GOLIM4: variants seen among roughly 807,000 people sequenced by gnomAD.
The protein encoded by GOLIM4 is 130 kDa golgi-localized phosphoprotein.
Under a neutral mutation model 107.4 loss-of-function variants are expected in GOLIM4, and 71 were observed. The ratio of observed to expected loss-of-function variants is 0.66; its 90% CI spans 0.55 to 0.81. The LOEUF is 0.81. Ranked by LOEUF, GOLIM4 falls within the 30% of genes least tolerant of loss-of-function variation. GOLIM4 has a pLI of 0.00. For missense variants in GOLIM4, 830 were observed against 826.1 expected (o/e 1.00, Z -0.06); for synonymous variants, 327 against 294.8 (o/e 1.11, Z -1.12).
At chr3:168,075,211 G>A (rs1400525723) in intron 1 of GOLIM4, among the ~76,000 whole-genome samples, 1 of 151,270 alleles carries the variant, frequency 6.6e-6, no homozygotes, top group Non-Finnish European at 1.5e-5. Context: ...TATTTCTAAA[G>A]GGACAAAGTT....
intron 3 of GOLIM4, among the ~76,000 whole-genome samples, chr3:168,046,743 A>G (rs1181113926): frequency 2.0e-5 from 3 of 151,758 alleles, no homozygotes; most frequent in African/African-American, 4.8e-5. Flanking sequence ...GTTTATCCCT[A>G]TTATCAACAA....
intron 1 of GOLIM4, among the ~76,000 whole-genome samples, chr3:168,049,942 G>A (rs1719520320): frequency 6.6e-6 from 1 of 152,050 alleles, no homozygotes. Flanking sequence ...TCACACCTCT[G>A]CTAACATCTC....
intron 1 of GOLIM4, among the ~76,000 whole-genome samples, chr3:168,093,652 C>T (rs1288982511): frequency 6.6e-6 from 1 of 152,156 alleles, no homozygotes; most frequent in African/African-American, 2.4e-5. Context: ...TATTCTCATA[C>T]CAACAATAAC....
chr3:168,048,083 A>T (rs373482491), intron 2 of GOLIM4, among the ~76,000 whole-genome samples: 14 of 152,216 alleles, frequency 9.2e-5, no homozygotes, highest in Non-Finnish European at 4.4e-5. Context: ...GGTGGCATAA[A>T]CTGAATACAG....
intron 14 of GOLIM4, among the ~76,000 whole-genome samples, chr3:168,020,024 A>G (rs990963757): frequency 1.3e-5 from 2 of 152,180 alleles, no homozygotes; most frequent in African/African-American, 4.8e-5. Context: ...GAACTTCCCC[A>G]CATCAACTAT....
chr3:168,032,568 A>ATGCTGCTCTTTCCACTCCCGATCC lies in GOLIM4; in HGVS notation c.1104_1127dup (p.Gln368_Gln375dup). ...GGAGGTTGGCTGCTTCTCGTTGCTC[A>ATGCTGCTCTTTCCACTCCCGATCC]TGCTGCTCTTTCCACTCCCGATCCT... On this transcript the variant is annotated inframe_insertion, in exon 9 of 16. Transcript: ENST00000470487. 1.2e-6 allele frequency: 2 copies of ATGCTGCTCTTTCCACTCCCGATCC among 1,613,986 alleles called. No homozygotes were observed. Among genetic ancestry groups the ATGCTGCTCTTTCCACTCCCGATCC allele is most frequent in the South Asian group, 2.2e-5 (2 of 91,056 alleles).
At chr3:168,089,387 C>T (rs554515970) in intron 1 of GOLIM4, among the ~76,000 whole-genome samples, 48 of 152,316 alleles carry the variant, frequency 3.2e-4, no homozygotes, top group Admixed American at 1.4e-3. Flanking sequence ...GTCTATGAAC[C>T]ACTCTGTTGT....
chr3:168,079,338 G>T (rs750450782), intron 1 of GOLIM4, among the ~76,000 whole-genome samples: 9 of 152,138 alleles, frequency 5.9e-5, no homozygotes, highest in Admixed American at 3.3e-4. Context: ...TATATTGTTT[G>T]ATTTTATTTA....
Position 168,041,013 on chromosome 3 carries a change from A to G in GOLIM4, c.601-144T>C, listed in dbSNP as rs1718966191. The stretch of plus-strand genomic sequence containing the variant: ...ATGTGTTAAGTTTAAAAATCATCGT[A>G]GAGAGAACACTACGCTTTATGTAGT... On this transcript the variant is annotated intron_variant, in intron 6 of 15. Transcript: ENST00000470487. 3 of 605,920 alleles carry G rather than the reference A, an allele frequency of 5.0e-6. No individual in the cohort carries two copies. In the African/African-American group the frequency reaches 5.5e-5, roughly 11 times the overall value. The allele number at this position is 605,920 out of a possible 1,614,324, so 37.5% of individuals were successfully genotyped here. A position where few individuals can be genotyped will look rare whatever the true frequency, so the allele number is the denominator to read the frequency against.
chr3:168,079,936 T>A (rs1482231866), intron 1 of GOLIM4, among the ~76,000 whole-genome samples: 1 of 152,146 alleles, frequency 6.6e-6, no homozygotes, highest in Non-Finnish European at 1.5e-5. Flanking sequence ...AAAAAAAATC[T>A]TTGTCATGAA....
chr3:168,056,060 C>T (rs1255457457), intron 1 of GOLIM4, among the ~76,000 whole-genome samples: 1 of 152,202 alleles, frequency 6.6e-6, no homozygotes, highest in Non-Finnish European at 1.5e-5. Flanking sequence ...CTATCACAGG[C>T]CCAGAGGCCT....
chr3:168,095,027 G>C, intron 1 of GOLIM4, 72 bp downstream of exon 1: 1 of 1,230,806 alleles, frequency 8.1e-7, no homozygotes, highest in South Asian at 1.4e-5. Flanking sequence ...GCTCACCAAA[G>C]CCACTTTTCC....
intron 12 of GOLIM4, among the ~76,000 whole-genome samples, chr3:168,026,770 G>A (rs1718017196): frequency 1.3e-5 from 2 of 152,174 alleles, no homozygotes; most frequent in African/African-American, 2.4e-5. Flanking sequence ...CATATTTTCA[G>A]AAATCTTGAT....
At chr3:168,044,443 T>C (rs966701437) in intron 4 of GOLIM4, among the ~76,000 whole-genome samples, 1 of 152,158 alleles carries the variant, frequency 6.6e-6, no homozygotes, top group African/African-American at 2.4e-5. Flanking sequence ...TAAATATTAG[T>C]AACAAGAAGG....
At chr3:168,047,173 A>G (rs1719352601) in intron 2 of GOLIM4, among the ~76,000 whole-genome samples, 174 bp from the exon 3 acceptor site, 1 of 152,244 alleles carries the variant, frequency 6.6e-6, no homozygotes, top group Admixed American at 6.5e-5. Context: ...AAGAATTGGA[A>G]AAAACATACA....
At position 168,025,060 on chromosome 3, in the gene GOLIM4, G is replaced by A; in HGVS notation, c.1659C>T (p.Asp553=). ...AAVEDINPAD[D]PNNQGEDEFE... ...ATTCATCCTCACCTTGATTATTAGG[G>A]TCATCTGCTGGGTTTATATCTTCTA... Residue 553 remains aspartate (D), a synonymous_variant, in exon 13 of 16, where the codon GAC becomes GAT. Coordinates refer to ENST00000470487, the MANE Select transcript of GOLIM4 (RefSeq NM_014498.5). The A allele has an allele frequency of 6.2e-7, 1 of 1,613,664 alleles. No homozygotes were observed. The highest frequency in any genetic ancestry group is 8.5e-7 in the Non-Finnish European group (1 of 1,179,744).
intron 3 of GOLIM4, among the ~76,000 whole-genome samples, chr3:168,046,708 T>C (rs1040284053): frequency 2.6e-5 from 4 of 152,076 alleles, no homozygotes; most frequent in African/African-American, 7.2e-5. Flanking sequence ...CTTCTTTTTA[T>C]AGTTGAACAT....
chr3:168,030,142 C>T (rs1211714916), intron 9 of GOLIM4, 106 bp from the exon 10 acceptor site: 14 of 1,097,832 alleles, frequency 1.3e-5, no homozygotes, highest in South Asian at 3.1e-5. Flanking sequence ...GGTTTATTAA[C>T]GACTATTTGT....
At chr3:168,025,206 G>T in intron 12 of GOLIM4, 111 bp from the exon 13 acceptor site, 1 of 803,056 alleles carries the variant, frequency 1.2e-6, no homozygotes, top group Non-Finnish European at 2.0e-6. Flanking sequence ...TCCCTCAATT[G>T]TTCAGATCTA....
Sources: gnomAD v4.1 joint callset for allele counts (sites outside exome capture counted in the v4.1 genomes callset) on GRCh38, gnomAD v4.1.1 for gene constraint, MANE v1.5 for transcripts, NCBI Gene and HGNC (gene_info 2026-07-23, HGNC 2026-07-21) for gene names.